FHIT: variants seen among roughly 807,000 people sequenced by gnomAD.
FHIT encodes the protein fragile histidine triad diadenosine triphosphatase, also known as bis(5'-adenosyl)-triphosphatase.
A neutral mutation model predicts 17.9 loss-of-function variants in FHIT; 19 were observed. That is an observed-to-expected ratio of 1.06 (90% CI 0.74 to 1.56). The LOEUF (loss-of-function observed/expected upper bound fraction) is 1.56. FHIT is among the 40% of genes most tolerant of loss of function. FHIT has a pLI of 0.00. For missense variants in FHIT, 248 were observed against 189.2 expected (o/e 1.31, Z -1.82); for synonymous variants, 81 against 69.7 (o/e 1.16, Z -0.81).
intron 4 of FHIT, among the ~76,000 whole-genome samples, chr3:60,726,407 G>A (rs1623349): frequency 0.69 from 104,269 of 152,042 alleles, 36,193 homozygotes; most frequent in East Asian, 0.89. Flanking sequence ...TACCCTTCGT[G>A]TGTTTGTCTA....
chr3:60,312,555 T>A (rs771041154), intron 5 of FHIT, among the ~76,000 whole-genome samples: 2 of 152,178 alleles, frequency 1.3e-5, no homozygotes, highest in Non-Finnish European at 1.5e-5. Flanking sequence ...CAAAGTTTAG[T>A]GTGAAAACAA....
chr3:60,194,937 G>C (rs7622342), intron 5 of FHIT, among the ~76,000 whole-genome samples: 1 of 152,084 alleles, frequency 6.6e-6, no homozygotes, highest in Non-Finnish European at 1.5e-5. Flanking sequence ...AGGCCGAGGA[G>C]GGTGGATCAC....
chr3:59,954,834 C>CA, intron 7 of FHIT, among the ~76,000 whole-genome samples: 1 of 152,084 alleles, frequency 6.6e-6, no homozygotes, highest in East Asian at 1.9e-4. Flanking sequence ...ACGAAGAAAC[C>CA]AAAAACCCAA....
chr3:60,828,161 T>C (rs1375484410), intron 3 of FHIT, among the ~76,000 whole-genome samples: 1 of 152,194 alleles, frequency 6.6e-6, no homozygotes, highest in Non-Finnish European at 1.5e-5. Flanking sequence ...GGGGATTCAG[T>C]GAGATAATTT....
chr3:60,765,752 G>A (rs1270838120), intron 4 of FHIT, among the ~76,000 whole-genome samples: 5 of 152,234 alleles, frequency 3.3e-5, no homozygotes, highest in Admixed American at 3.3e-4. Context: ...GTGGACTGGA[G>A]AGAAAGATCC....
intron 4 of FHIT, among the ~76,000 whole-genome samples, chr3:60,782,865 G>A (rs1272247552): frequency 2.6e-5 from 4 of 152,048 alleles, no homozygotes; most frequent in African/African-American, 9.7e-5. Flanking sequence ...AGGCATAAAG[G>A]GCCTAGCTAG....
At chr3:60,279,600 C>G (rs1038896711) in intron 5 of FHIT, among the ~76,000 whole-genome samples, 1 of 152,044 alleles carries the variant, frequency 6.6e-6, no homozygotes, top group Non-Finnish European at 1.5e-5. Context: ...AATACACGTG[C>G]AAACCCCATT....
intron 5 of FHIT, among the ~76,000 whole-genome samples, chr3:60,135,648 C>A (rs1434740006): frequency 6.6e-6 from 1 of 152,110 alleles, no homozygotes; most frequent in Non-Finnish European, 1.5e-5. Flanking sequence ...CCCTGACCTA[C>A]CAGAACTTCT....
intron 5 of FHIT, among the ~76,000 whole-genome samples, chr3:60,274,890 T>C (rs1156303391): frequency 6.6e-6 from 1 of 152,204 alleles, no homozygotes; most frequent in East Asian, 1.9e-4. Flanking sequence ...TAGGAAGTTC[T>C]ATAACTTTGC....
At chr3:60,205,841 G>T (rs1703146403) in intron 5 of FHIT, among the ~76,000 whole-genome samples, 1 of 151,862 alleles carries the variant, frequency 6.6e-6, no homozygotes, top group East Asian at 1.9e-4. Flanking sequence ...GGGCGCGGTG[G>T]CTCACGCCTG....
chr3:60,788,230 G>A (rs1700651697), intron 4 of FHIT, among the ~76,000 whole-genome samples: 3 of 152,086 alleles, frequency 2.0e-5, no homozygotes, highest in Admixed American at 2.0e-4. Flanking sequence ...AGTTCGAACT[G>A]CAGTGCACTA....
At chr3:60,571,409 T>C (rs900157747) in intron 4 of FHIT, among the ~76,000 whole-genome samples, 2 of 122,596 alleles carry the variant, frequency 1.6e-5, no homozygotes, top group Non-Finnish European at 3.5e-5. Flanking sequence ...AGAAAAAAAA[T>C]TGCCATCCAG....
At chr3:60,747,128 A>C (rs550314320) in intron 4 of FHIT, among the ~76,000 whole-genome samples, 18 of 143,832 alleles carry the variant, frequency 1.3e-4, no homozygotes, top group African/African-American at 4.6e-4. Flanking sequence ...GGAATTCACA[A>C]AAAAAAAAAA....
chr3:60,303,556 C>A (rs1708535658), intron 5 of FHIT, among the ~76,000 whole-genome samples: 1 of 152,202 alleles, frequency 6.6e-6, no homozygotes. Context: ...CTGGACAGGG[C>A]CACATGACCA....
chr3:60,443,300 C>A (rs1027831740), intron 5 of FHIT, among the ~76,000 whole-genome samples: 3 of 152,170 alleles, frequency 2.0e-5, no homozygotes, highest in African/African-American at 7.2e-5. Context: ...CCAGAACTTC[C>A]AACACTATGT....
chr3:60,319,906 G>T (rs1709344351), intron 5 of FHIT, among the ~76,000 whole-genome samples: 2 of 152,010 alleles, frequency 1.3e-5, no homozygotes, highest in African/African-American at 4.8e-5. Context: ...ACACAAAACA[G>T]GGTTTTATCA....
intron 5 of FHIT, among the ~76,000 whole-genome samples, chr3:60,059,980 T>A (rs900618313): frequency 1.3e-5 from 2 of 152,210 alleles, no homozygotes; most frequent in African/African-American, 4.8e-5. Flanking sequence ...CTCCATGAGT[T>A]GTTGTTTTTT....
intron 3 of FHIT, among the ~76,000 whole-genome samples, chr3:61,006,231 G>A (rs187061463): frequency 1.4e-3 from 218 of 152,254 alleles, no homozygotes; most frequent in African/African-American, 5.1e-3. Flanking sequence ...ATGGATTAGT[G>A]CTCTCAAATA....
chr3:61,187,745 T>C (rs1030363459), intron 2 of FHIT, among the ~76,000 whole-genome samples: 1 of 152,210 alleles, frequency 6.6e-6, no homozygotes, highest in Non-Finnish European at 1.5e-5. Flanking sequence ...CAGACCACAG[T>C]GCAATCAAAC....
Sources: gnomAD v4.1 joint callset for allele counts (sites outside exome capture counted in the v4.1 genomes callset) on GRCh38, gnomAD v4.1.1 for gene constraint, MANE v1.5 for transcripts, NCBI Gene and HGNC (gene_info 2026-07-23, HGNC 2026-07-21) for gene names.